The following HECW1 variants were observed in gnomAD, a reference collection of about 807,000 sequenced individuals.
HECW1 encodes the protein E3 ubiquitin-protein ligase HECW1.
Under a neutral mutation model 182.3 loss-of-function variants are expected in HECW1, and 61 were observed. The observed-to-expected ratio is 0.33, with a 90% CI of 0.27 to 0.41. The LOEUF is 0.41. HECW1 is among the 10% of genes least tolerant of loss of function. The pLI, the probability that HECW1 is intolerant of heterozygous loss-of-function variation, is 1.00. For synonymous variants in HECW1, 859 were observed against 832.6 expected, an observed-to-expected ratio of 1.03 and a Z score of -0.55; for missense variants, 1,739 against 2,108.9, an observed-to-expected ratio of 0.82 and a Z score of 3.44.
intron 11 of HECW1, 23 bp from the exon 12 acceptor site, chr7:43,450,805 T>C (rs1161760084): frequency 7.0e-7 from 1 of 1,431,308 alleles, no homozygotes; most frequent in African/African-American, 1.4e-5. Flanking sequence ...TGAATCTGAA[T>C]GTATTGACTA....
chr7:43,521,241 G>T (rs913764009), intron 24 of HECW1, among the ~76,000 whole-genome samples: 3 of 152,200 alleles, frequency 2.0e-5, no homozygotes, highest in African/African-American at 7.2e-5. Context: ...ATGAATGGGA[G>T]TAAGGCCCTT....
intron 2 of HECW1, among the ~76,000 whole-genome samples, chr7:43,214,300 C>T (rs1026245939): frequency 6.6e-6 from 1 of 151,874 alleles, no homozygotes; most frequent in African/African-American, 2.4e-5. Flanking sequence ...GAGATTGTAA[C>T]TGTCCTTGAT....
intron 3 of HECW1, among the ~76,000 whole-genome samples, chr7:43,244,601 T>C (rs1277463045): frequency 4.6e-5 from 7 of 152,196 alleles, no homozygotes; most frequent in Non-Finnish European, 1.0e-4. Context: ...GGTATGATCA[T>C]TGTCCCCATT....
intron 2 of HECW1, among the ~76,000 whole-genome samples, chr7:43,152,371 T>G (rs1383466753): frequency 1.3e-5 from 2 of 152,158 alleles, no homozygotes; most frequent in Non-Finnish European, 2.9e-5. Context: ...AATACAACTG[T>G]GAACAAAAAA....
intron 2 of HECW1, among the ~76,000 whole-genome samples, chr7:43,178,809 G>A (rs1033193638): frequency 6.6e-6 from 1 of 152,190 alleles, no homozygotes; most frequent in Non-Finnish European, 1.5e-5. Flanking sequence ...CTCAACTCCA[G>A]CCCACTTGGA....
At chr7:43,310,958 A>T (rs1808425661) in intron 3 of HECW1, among the ~76,000 whole-genome samples, 1 of 152,148 alleles carries the variant, frequency 6.6e-6, no homozygotes, top group Admixed American at 6.5e-5. Flanking sequence ...TTTCTGCATG[A>T]GTTCTATTTG....
At chr7:43,514,410 T>A (rs1253604427) in intron 24 of HECW1, among the ~76,000 whole-genome samples, 1 of 151,494 alleles carries the variant, frequency 6.6e-6, no homozygotes, top group African/African-American at 2.4e-5. Context: ...TGCCTCAGCC[T>A]CCCAAGTAGC....
In HECW1 at chr7:43,320,708, C is replaced by A. The variant is rs1333935575; in HGVS notation, c.426C>A (p.Ile142=). Residue 142 remains isoleucine, a synonymous_variant, in exon 5 of 30, where the codon ATC becomes ATA. Transcript: ENST00000395891. ...GVNGSHRGQI[I]WKIDASSYFV... ...ATGGTTCTCATCGGGGCCAGATCAT[C>A]TGGAAGATCGATGCCAGCTCGTACT... 3 of 1,614,038 alleles carry A rather than the reference C, an allele frequency of 1.9e-6. No homozygotes were observed. The highest frequency in any genetic ancestry group is 2.7e-5 in the African/African-American group (2 of 74,934).
chr7:43,488,472 GA>G (rs1165505319), intron 17 of HECW1, among the ~76,000 whole-genome samples: 1 of 146,692 alleles, frequency 6.8e-6, no homozygotes, highest in South Asian at 2.2e-4. Context: ...AAGAAAGAAA[GA>G]AAGAAAGAAA....
intron 21 of HECW1, among the ~76,000 whole-genome samples, chr7:43,503,139 A>G (rs2079433836): frequency 1.3e-5 from 2 of 152,358 alleles, no homozygotes; most frequent in South Asian, 2.1e-4. Context: ...CAAGTGTACC[A>G]ACAGCATTGT....
intron 22 of HECW1, 55 bp from the exon 23 acceptor site, chr7:43,507,963 C>T (rs1012457146): frequency 1.6e-6 from 2 of 1,263,562 alleles, no homozygotes; most frequent in African/African-American, 2.9e-5. Flanking sequence ...CACTTAGAAC[C>T]CTGTCCAGCA....
At chr7:43,408,404 T>C (rs1245586604) in intron 8 of HECW1, among the ~76,000 whole-genome samples, 1 of 151,838 alleles carries the variant, frequency 6.6e-6, no homozygotes, top group Non-Finnish European at 1.5e-5. Flanking sequence ...ATGTAGAAAG[T>C]CGGCACCACT....
At chr7:43,172,633 C>T (rs1791806660) in intron 2 of HECW1, among the ~76,000 whole-genome samples, 1 of 152,060 alleles carries the variant, frequency 6.6e-6, no homozygotes, top group South Asian at 2.1e-4. Context: ...AGACATGAGA[C>T]AATTAGGGTT....
intron 2 of HECW1, among the ~76,000 whole-genome samples, chr7:43,219,298 T>C (rs976787825): frequency 4.6e-5 from 7 of 152,114 alleles, no homozygotes; most frequent in Non-Finnish European, 1.0e-4. Context: ...ACCCAGGGCT[T>C]TCCTACTGGA....
intron 21 of HECW1, among the ~76,000 whole-genome samples, chr7:43,504,701 AT>A (rs1476460794): frequency 6.6e-6 from 1 of 152,016 alleles, no homozygotes; most frequent in Non-Finnish European, 1.5e-5. Flanking sequence ...CATTTTTTCG[AT>A]CTCCTCTACT....
intron 6 of HECW1, among the ~76,000 whole-genome samples, chr7:43,369,661 T>C (rs974396519): frequency 6.6e-6 from 1 of 152,178 alleles, no homozygotes; most frequent in African/African-American, 2.4e-5. Context: ...ATATGATGAA[T>C]CTTGACATGA....
intron 3 of HECW1, among the ~76,000 whole-genome samples, chr7:43,282,943 C>A (rs1804107577): frequency 6.6e-6 from 1 of 152,014 alleles, no homozygotes; most frequent in African/African-American, 2.4e-5. Context: ...CATGGGAAAA[C>A]CCCATCCCTA....
At chr7:43,479,841 T>G in intron 17 of HECW1, 97 bp downstream of exon 17, 1 of 1,451,524 alleles carries the variant, frequency 6.9e-7, no homozygotes, top group Non-Finnish European at 9.5e-7. Flanking sequence ...GATCTAGGGT[T>G]GCCTGCGCTG....
intron 2 of HECW1, among the ~76,000 whole-genome samples, chr7:43,210,291 G>T (rs778791950): frequency 6.6e-6 from 1 of 152,094 alleles, no homozygotes; most frequent in Non-Finnish European, 1.5e-5. Context: ...TCATTGAAAA[G>T]GTGCATTGTG....
Sources: gnomAD v4.1 joint callset for allele counts (sites outside exome capture counted in the v4.1 genomes callset) on GRCh38, gnomAD v4.1.1 for gene constraint, MANE v1.5 for transcripts, NCBI Gene and HGNC (gene_info 2026-07-23, HGNC 2026-07-21) for gene names.